The following RALA variants were observed in gnomAD, a reference collection of about 807,000 sequenced individuals.
RALA encodes the protein RAS like proto-oncogene A.
A neutral mutation model predicts 24.0 loss-of-function variants in RALA; 5 were observed. That is an observed-to-expected ratio of 0.21 (90% CI 0.11 to 0.44). RALA has a LOEUF of 0.44. Ranked by LOEUF, RALA falls within the 20% of genes least tolerant of loss-of-function variation. RALA has a pLI of 0.99. For synonymous variants in RALA, 77 were observed against 83.8 expected (o/e 0.92, Z 0.44); for missense variants, 95 against 241.2 (o/e 0.39, Z 4.01).
chr7:39,647,037 A>C (rs560977035), intron 1 of RALA, among the ~76,000 whole-genome samples: 1 of 152,042 alleles, frequency 6.6e-6, no homozygotes, highest in Non-Finnish European at 1.5e-5. Flanking sequence ...TAGCTTATGA[A>C]CAGATTCTTA....
chr7:39,641,634 G>A (rs1475621891), intron 1 of RALA, among the ~76,000 whole-genome samples: 1 of 152,120 alleles, frequency 6.6e-6, no homozygotes, highest in Non-Finnish European at 1.5e-5. Flanking sequence ...GTGTCCATAT[G>A]TTATATGATT....
In RALA at chr7:39,651,135, A is replaced by G. The variant is rs563188872; in HGVS notation, c.-38+27310A>G. On this transcript the variant is annotated intron_variant, in intron 1 of 4. Coordinates refer to ENST00000005257, the MANE Select transcript of RALA (RefSeq NM_005402.4). ...TTCAACCCAGTATTCAATAAATTAT[A>G]TGAGATAGTCAACAAACACTTTATT... Among the ~76,000 whole-genome samples the G allele has an allele frequency of 6.0e-4, 91 of 152,344 alleles. No homozygotes were observed. The South Asian group carries it at 0.018, about 30-fold the overall frequency.
chr7:39,675,739 T>TAAAAA (rs752072089), intron 1 of RALA, among the ~76,000 whole-genome samples: 1 of 116,346 alleles, frequency 8.6e-6, no homozygotes, highest in Non-Finnish European at 2.0e-5. Flanking sequence ...TCTGGGAAAT[T>TAAAAA]AAAAAAAAAA....
At chr7:39,648,733 A>C (rs902966675) in intron 1 of RALA, among the ~76,000 whole-genome samples, 4 of 152,168 alleles carry the variant, frequency 2.6e-5, no homozygotes, top group African/African-American at 9.7e-5. Flanking sequence ...TTTGCCAGCC[A>C]ATCAGTTGTG....
chr7:39,628,723 T>C (rs1354873885), intron 1 of RALA, among the ~76,000 whole-genome samples: 1 of 152,044 alleles, frequency 6.6e-6, no homozygotes, highest in African/African-American at 2.4e-5. Flanking sequence ...GCCTGGCTAA[T>C]TTTTTGTATT....
chr7:39,688,321 G>A (rs1792745611), intron 2 of RALA, among the ~76,000 whole-genome samples: 1 of 151,828 alleles, frequency 6.6e-6, no homozygotes, highest in Non-Finnish European at 1.5e-5. Context: ...AGGATCATTT[G>A]CATTGGAGGT....
At chr7:39,697,576 T>C (rs953506348) in intron 4 of RALA, 3 of 367,126 alleles carry the variant, frequency 8.2e-6, no homozygotes, top group African/African-American at 6.4e-5. Flanking sequence ...CTAGGCTCTA[T>C]AGTGTGCCTC....
chr7:39,633,539 C>G (rs1791632464), intron 1 of RALA, among the ~76,000 whole-genome samples: 1 of 152,190 alleles, frequency 6.6e-6, no homozygotes, highest in East Asian at 1.9e-4. Context: ...TTCCATGATC[C>G]AGTCACCTCC....
At chr7:39,663,537 A>G (rs1044228599) in intron 1 of RALA, among the ~76,000 whole-genome samples, 2 of 152,116 alleles carry the variant, frequency 1.3e-5, no homozygotes, top group Admixed American at 6.5e-5. Flanking sequence ...ACAAGAAACA[A>G]GTTTAATTGC....
At chr7:39,666,790 G>A (rs1255757470) in intron 1 of RALA, among the ~76,000 whole-genome samples, 1 of 152,178 alleles carries the variant, frequency 6.6e-6, no homozygotes, top group African/African-American at 2.4e-5. Context: ...CTGTAGTAAA[G>A]GTTAATTGGC....
chr7:39,651,045 G>A (rs1439039356), intron 1 of RALA, among the ~76,000 whole-genome samples: 1 of 152,168 alleles, frequency 6.6e-6, no homozygotes, highest in African/African-American at 2.4e-5. Flanking sequence ...CTTCTGTATC[G>A]TAGACAGTCC....
At chr7:39,699,555 A>G (rs1266852486) in intron 4 of RALA, among the ~76,000 whole-genome samples, 1 of 152,256 alleles carries the variant, frequency 6.6e-6, no homozygotes, top group Non-Finnish European at 1.5e-5. Flanking sequence ...AGTGTTCAGT[A>G]ATGGACTGGT....
At chr7:39,674,062 TAAATAAATA>T (rs1792436353) in intron 1 of RALA, among the ~76,000 whole-genome samples, 1 of 150,512 alleles carries the variant, frequency 6.6e-6, no homozygotes, top group African/African-American at 2.4e-5. Flanking sequence ...AATAAATAAA[TAAATAAATA>T]AATAAATAAA....
intron 1 of RALA, among the ~76,000 whole-genome samples, chr7:39,648,984 C>T (rs1791974476): frequency 6.6e-6 from 1 of 152,062 alleles, no homozygotes; most frequent in Non-Finnish European, 1.5e-5. Context: ...CGCTTGAGCC[C>T]AGGAGATCAA....
intron 3 of RALA, among the ~76,000 whole-genome samples, chr7:39,694,068 C>G (rs746428214): frequency 1.3e-5 from 2 of 152,184 alleles, no homozygotes; most frequent in Non-Finnish European, 2.9e-5. Flanking sequence ...CCAGACTGTT[C>G]TAAGCATTCA....
chr7:39,675,730 C>A (rs1409256911), intron 1 of RALA, among the ~76,000 whole-genome samples: 66 of 135,008 alleles, frequency 4.9e-4, no homozygotes, highest in African/African-American at 1.6e-3. Flanking sequence ...GAGACCATGT[C>A]TGGGAAATTA....
chr7:39,669,728 C>G (rs1462983339), intron 1 of RALA, among the ~76,000 whole-genome samples: 3 of 151,704 alleles, frequency 2.0e-5, no homozygotes, highest in Non-Finnish European at 4.4e-5. Context: ...ATTGCTTGAG[C>G]CCAGGAGTTT....
intron 4 of RALA, among the ~76,000 whole-genome samples, chr7:39,705,767 C>T (rs572630329): frequency 1.3e-5 from 2 of 151,492 alleles, no homozygotes; most frequent in Non-Finnish European, 2.9e-5. Context: ...TAATAAAATA[C>T]ATTTATTGAT....
At chr7:39,644,676 C>T (rs1791894849) in intron 1 of RALA, among the ~76,000 whole-genome samples, 1 of 152,056 alleles carries the variant, frequency 6.6e-6, no homozygotes, top group African/African-American at 2.4e-5. Context: ...CAGAGTACTG[C>T]CCTTTATTCT....
Sources: gnomAD v4.1 joint callset for allele counts (sites outside exome capture counted in the v4.1 genomes callset) on GRCh38, gnomAD v4.1.1 for gene constraint, MANE v1.5 for transcripts, NCBI Gene and HGNC (gene_info 2026-07-23, HGNC 2026-07-21) for gene names.